The following FNDC1 variants were observed in gnomAD, a reference collection of about 807,000 sequenced individuals.
FNDC1 encodes the protein fibronectin type III domain containing 1, also known as fibronectin type III domain-containing protein 1.
FNDC1 carries 96 observed loss-of-function variants against 168.0 expected under a neutral mutation model. That is an observed-to-expected ratio of 0.57 (90% CI 0.48 to 0.68). The LOEUF (loss-of-function observed/expected upper bound fraction) is 0.68. FNDC1 is among the 30% of genes least tolerant of loss of function. FNDC1 has a pLI of 0.00. For missense variants in FNDC1, 2,587 were observed against 2,482.1 expected (o/e 1.04, Z -0.90); for synonymous variants, 1,099 against 1,025.9 (o/e 1.07, Z -1.36).
At chr6:159,222,115 G>A (rs1782840219) in intron 6 of FNDC1, among the ~76,000 whole-genome samples, 1 of 152,166 alleles carries the variant, frequency 6.6e-6, no homozygotes, top group Non-Finnish European at 1.5e-5. Context: ...AAATGGCATT[G>A]AGAATCCTCA....
intron 14 of FNDC1, among the ~76,000 whole-genome samples, chr6:159,246,369 C>G (rs906280590): frequency 4.6e-5 from 7 of 152,214 alleles, no homozygotes; most frequent in Non-Finnish European, 1.0e-4. Flanking sequence ...GGAAATTACC[C>G]TCTTCTAGAA....
chr6:159,197,565 A>C lies in FNDC1; in HGVS notation c.244A>C (p.Lys82Gln), dbSNP rs778953951. ...CAACATTGCCTATGGGAAGTCACTG[A>C]AAAGTCTTAAATACATCAAGGTGAA... ...HYNIAYGKSL[K>Q]SLKYIKVNAE... The change falls in exon 2 of 23, where the codon AAA becomes CAA. Residue 82 changes from lysine (K) to glutamine (Q), a missense_variant. Lys to Gln is a moderately conservative substitution (Grantham distance 53, BLOSUM62 1). Coordinates refer to ENST00000297267, the MANE Select transcript of FNDC1 (RefSeq NM_032532.3). The C allele has an allele frequency of 5.6e-6, 9 of 1,613,984 alleles. No individual in the cohort carries two copies. In the South Asian group the frequency reaches 9.9e-5, roughly 18 times the overall value.
chr6:159,211,978 G>T (rs1328609366), intron 4 of FNDC1, among the ~76,000 whole-genome samples: 1 of 152,214 alleles, frequency 6.6e-6, no homozygotes, highest in East Asian at 1.9e-4. Flanking sequence ...AAAAAGAAGA[G>T]ATTTTGATTC....
At chr6:159,170,472 G>A (rs1484596103) in intron 1 of FNDC1, among the ~76,000 whole-genome samples, 4 of 152,226 alleles carry the variant, frequency 2.6e-5, no homozygotes, top group African/African-American at 9.6e-5. Flanking sequence ...TTCCTGCAGA[G>A]AGAGACAAGT....
At chr6:159,201,941 C>T (rs1381385600) in intron 4 of FNDC1, among the ~76,000 whole-genome samples, 1 of 152,192 alleles carries the variant, frequency 6.6e-6, no homozygotes, top group Non-Finnish European at 1.5e-5. Flanking sequence ...CTTATGCCCT[C>T]TTTAATAGTG....
intron 17 of FNDC1, among the ~76,000 whole-genome samples, chr6:159,254,707 CAAAAAAAA>C (rs61644137): frequency 2.2e-5 from 2 of 92,632 alleles, no homozygotes; most frequent in Non-Finnish European, 4.2e-5. Context: ...GACTTCGTCT[CAAAAAAAA>C]AAAAAAAAAA....
chr6:159,256,477 C>T (rs776833159), intron 17 of FNDC1, 46 bp from the exon 18 acceptor site: 32 of 1,393,010 alleles, frequency 2.3e-5, no homozygotes, highest in Non-Finnish European at 3.0e-5. Context: ...TTGTGTGTGA[C>T]TTGGTTCCTT....
At chr6:159,193,095 G>A (rs1583860604) in intron 1 of FNDC1, among the ~76,000 whole-genome samples, 1 of 152,204 alleles carries the variant, frequency 6.6e-6, no homozygotes, top group East Asian at 1.9e-4. Flanking sequence ...GGCCACCAGT[G>A]GACTGAGTCC....
At chr6:159,248,837 G>A (rs983388862) in intron 15 of FNDC1, among the ~76,000 whole-genome samples, 3 of 152,172 alleles carry the variant, frequency 2.0e-5, no homozygotes, top group Non-Finnish European at 4.4e-5. Flanking sequence ...CTTTTCTGCA[G>A]GGACAGAAAT....
Position 159,271,325 on chromosome 6 carries a change from A to C in FNDC1, c.5570-2A>C. On this transcript the variant is annotated splice_acceptor_variant, in intron 22 of 22. Coordinates refer to ENST00000297267, the MANE Select transcript of FNDC1 (RefSeq NM_032532.3). LOFTEE classifies it high-confidence loss of function. Reference sequence around the variant, plus strand: ...TTTTCCCCTCTCCTGTTGCCCTTCCAGGCTACTATCGCCAGTATCGTCAGG... The same window carrying C: ...TTTTCCCCTCTCCTGTTGCCCTTCCCGGCTACTATCGCCAGTATCGTCAGG... 6.2e-7 allele frequency: 1 copy of C among 1,600,104 alleles called. No individual in the cohort carries two copies.
chr6:159,211,627 G>A (rs1356910326), intron 4 of FNDC1, among the ~76,000 whole-genome samples: 6 of 151,872 alleles, frequency 4.0e-5, no homozygotes, highest in African/African-American at 1.2e-4. Flanking sequence ...ATACATTCAC[G>A]GCTCCCATTC....
At position 159,171,655 on chromosome 6, in the gene FNDC1, A is replaced by T. The variant is rs570359362; in HGVS notation, c.109+1950A>T. Reference sequence around the variant, plus strand: ...TGTAGGGTCAATTAAACATAAAACAAAATAAGCAAGCAGTGTCCCCTCCTC... The same window carrying T: ...TGTAGGGTCAATTAAACATAAAACATAATAAGCAAGCAGTGTCCCCTCCTC... On this transcript the variant is annotated intron_variant, in intron 1 of 22. Transcript: ENST00000297267. 5.3e-5 allele frequency among the ~76,000 whole-genome samples: 8 copies of T among 152,258 alleles called. No homozygotes were observed. In the South Asian group the frequency reaches 1.7e-3, roughly 32 times the overall value.
intron 5 of FNDC1, among the ~76,000 whole-genome samples, chr6:159,217,754 T>C (rs1172277889): frequency 1.4e-4 from 22 of 152,094 alleles, no homozygotes; most frequent in Non-Finnish European, 2.9e-5. Context: ...GCGTATGGAC[T>C]CCAGCTATTC....
chr6:159,223,257 A>G (rs1782875450), intron 6 of FNDC1, among the ~76,000 whole-genome samples: 1 of 152,186 alleles, frequency 6.6e-6, no homozygotes, highest in South Asian at 2.1e-4. Flanking sequence ...CGGCCTCCCA[A>G]AGTGCTGGGA....
chr6:159,184,441 T>G (rs541608433), intron 1 of FNDC1, among the ~76,000 whole-genome samples: 3 of 152,358 alleles, frequency 2.0e-5, no homozygotes, highest in South Asian at 4.1e-4. Flanking sequence ...AATTTACCTA[T>G]GCCCATTCAT....
chr6:159,239,932 G>T lies in FNDC1; in HGVS notation c.4596G>T (p.Gly1532=). The part of the protein sequence containing the change: ...DDGNLIMSSN[G]IPECYAEEDE... The stretch of plus-strand genomic sequence containing the variant: ...GCAACCTGATAATGAGCTCCAATGG[G>T]ATCCCAGAGTGCTACGCTGAAGAAG... The change falls in exon 14 of 23, where the codon GGG becomes GGT. Residue 1532 remains glycine (G), a synonymous_variant. Transcript: ENST00000297267. The T allele has an allele frequency of 6.7e-7, 1 of 1,501,574 alleles. No homozygotes were observed. Among genetic ancestry groups the T allele is most frequent in the East Asian group, 2.5e-5 (1 of 40,386 alleles). The allele number at this position is 1,501,574 out of a possible 1,614,324, so 93.0% of individuals were successfully genotyped here.
At position 159,231,966 on chromosome 6, in the gene FNDC1, C is replaced by T; in HGVS notation, c.1454C>T (p.Pro485Leu). 1 of 1,614,008 alleles carries T rather than the reference C, an allele frequency of 6.2e-7. No individual in the cohort carries two copies. The highest frequency in any genetic ancestry group is 2.2e-5 in the East Asian group (1 of 44,870). The change falls in exon 11 of 23, where the codon CCA (proline) becomes CTA (leucine). Residue 485 changes from proline (P) to leucine (L), a missense_variant. Physicochemically the swap from Pro to Leu is moderately conservative, Grantham distance 98. Transcript: ENST00000297267. Reference sequence around the variant, plus strand: ...CCTTCCTCACCTTCTCCCAGAGCTCCAGCTTCCTCCCAACACCCCTCTGTG... The same window carrying T: ...CCTTCCTCACCTTCTCCCAGAGCTCTAGCTTCCTCCCAACACCCCTCTGTG... ...PEPSSPSPRAPASSQHPSVPA... is the reference protein window; with the variant it reads ...PEPSSPSPRALASSQHPSVPA...
rs776284374 is a variant in FNDC1 at position 159,233,450 on chromosome 6, C to T, written c.2938C>T (p.Arg980Cys). Residue 980 changes from arginine (R) to cysteine (C), a missense_variant, in exon 11 of 23, where the codon CGT becomes TGT. Physicochemically the swap from Arg to Cys is radical, Grantham distance 180. Transcript: ENST00000297267. This position sits in a 1 kb window ranked among gnomAD's most constrained non-coding sequence, Gnocchi z 4.6. ...CACAGACCGCCACGCGTCCCCTGCT[C>T]GTCCGCCCGCAGCACGGTCACAGCA... is the stretch of plus-strand genomic sequence containing the variant. Reference protein sequence around the residue: ...GSTDRHASPARPPAARSQQHP... With the variant: ...GSTDRHASPACPPAARSQQHP... 6.2e-6 allele frequency: 10 copies of T among 1,608,972 alleles called. No individual in the cohort carries two copies. In the South Asian group the frequency reaches 9.9e-5, roughly 16 times the overall value.
intron 19 of FNDC1, among the ~76,000 whole-genome samples, chr6:159,263,391 C>T (rs1193822308): frequency 6.6e-6 from 1 of 152,066 alleles, no homozygotes; most frequent in African/African-American, 2.4e-5. Context: ...CCTAAAACAG[C>T]AATTTACTGT....
Sources: gnomAD v4.1 joint callset for allele counts (sites outside exome capture counted in the v4.1 genomes callset) on GRCh38, gnomAD v4.1.1 for gene constraint, Gnocchi (gnomAD v3.1) non-coding constraint, MANE v1.5 for transcripts, NCBI Gene and HGNC (gene_info 2026-07-23, HGNC 2026-07-21) for gene names.